The following SLC24A2 variants were observed in gnomAD, a reference collection of about 807,000 sequenced individuals.
SLC24A2 encodes the protein sodium/potassium/calcium exchanger 2.
A neutral mutation model predicts 62.0 loss-of-function variants in SLC24A2; 36 were observed. The observed-to-expected ratio is 0.58, with a 90% CI of 0.44 to 0.77. SLC24A2 has a LOEUF of 0.77. Among genes scored for constraint, SLC24A2 ranks in the 30% least tolerant of loss-of-function variants. SLC24A2 has a pLI of 0.00. For missense variants in SLC24A2, 846 were observed against 817.9 expected (o/e 1.03, Z -0.42); for synonymous variants, 358 against 294.0 (o/e 1.22, Z -2.23).
chr9:19,571,393 C>G (rs61450825), intron 7 of SLC24A2, among the ~76,000 whole-genome samples: 6,156 of 151,512 alleles, frequency 0.041, 407 homozygotes, highest in African/African-American at 0.14. Context: ...TAACAGGCAA[C>G]AATTAGCATT....
the SLC24A2 span, among the ~76,000 whole-genome samples, chr9:20,102,012 A>G: frequency 6.6e-6 from 1 of 152,206 alleles, no homozygotes; most frequent in Admixed American, 6.5e-5. Flanking sequence ...AAGGACAGAG[A>G]CAGTATCATT....
the SLC24A2 span, among the ~76,000 whole-genome samples, chr9:20,106,651 C>G: frequency 6.6e-6 from 1 of 152,100 alleles, no homozygotes; most frequent in Admixed American, 6.6e-5. Context: ...TTCAACAACC[C>G]TTCATGCTAA....
At chr9:20,226,074 T>C in the SLC24A2 span, among the ~76,000 whole-genome samples, 7 of 152,142 alleles carry the variant, frequency 4.6e-5, no homozygotes, top group Non-Finnish European at 1.0e-4. Flanking sequence ...TAAGGATGAA[T>C]CAGAATCAAC....
intron 2 of SLC24A2, among the ~76,000 whole-genome samples, chr9:19,689,672 G>T (rs981385193): frequency 1.1e-4 from 16 of 152,018 alleles, no homozygotes; most frequent in African/African-American, 3.1e-4. Context: ...AATGTGTAAG[G>T]CCCTCACCTG....
intron 8 of SLC24A2, among the ~76,000 whole-genome samples, chr9:19,542,840 G>C (rs925173593): frequency 6.6e-6 from 1 of 152,206 alleles, no homozygotes; most frequent in African/African-American, 2.4e-5. Context: ...TGGTTTGCCA[G>C]TATTTTATTG....
rs1355800692 is a variant in SLC24A2, at chr9:19,508,132, G to C, written c.*8021C>G. The C allele has an allele frequency of 6.6e-6, 1 of 152,206 alleles. No individual in the cohort carries two copies. 9.4% of individuals were successfully genotyped at this position (152,206 alleles called of 1,614,324 possible). A position where few individuals can be genotyped will look rare whatever the true frequency, so the allele number is the denominator to read the frequency against. ...TTTTAAGTATGTGGATTGCTTGATG[G>C]TGGAAGCTGTTGCTTCCGGAGTTTT... On this transcript the variant is annotated 3_prime_UTR_variant, in exon 11 of 11. Transcript: ENST00000341998.
the SLC24A2 span, among the ~76,000 whole-genome samples, chr9:20,021,071 T>C: frequency 6.6e-6 from 1 of 152,192 alleles, no homozygotes; most frequent in East Asian, 1.9e-4. Flanking sequence ...TGTATATTCA[T>C]ATAAATTATA....
chr9:19,782,198 A>G (rs1823037482), intron 2 of SLC24A2, among the ~76,000 whole-genome samples: 1 of 152,188 alleles, frequency 6.6e-6, no homozygotes, highest in Non-Finnish European at 1.5e-5. Flanking sequence ...TAGCACCATA[A>G]CAGATCAACG....
intron 8 of SLC24A2, among the ~76,000 whole-genome samples, chr9:19,533,283 ATTAG>A (rs1833792857): frequency 6.6e-6 from 1 of 152,194 alleles, no homozygotes. Context: ...GCAAATATGT[ATTAG>A]TTAATTTTTC....
intron 2 of SLC24A2, among the ~76,000 whole-genome samples, chr9:19,740,998 T>A (rs1162774558): frequency 1.3e-5 from 2 of 152,124 alleles, no homozygotes; most frequent in Admixed American, 1.3e-4. Flanking sequence ...AAGGTAAACA[T>A]ACACTGTGGA....
the SLC24A2 span, among the ~76,000 whole-genome samples, chr9:19,979,118 T>C: frequency 2.6e-5 from 4 of 152,194 alleles, no homozygotes; most frequent in African/African-American, 7.2e-5. Context: ...AAGACATCTC[T>C]TTCTGGCAGC....
chr9:20,061,968 G>A, the SLC24A2 span, among the ~76,000 whole-genome samples: 3 of 152,178 alleles, frequency 2.0e-5, no homozygotes, highest in Non-Finnish European at 2.9e-5. Context: ...GAGCATGCTG[G>A]CTCACACCTG....
the SLC24A2 span, among the ~76,000 whole-genome samples, chr9:19,857,948 A>G: frequency 6.6e-6 from 1 of 152,212 alleles, no homozygotes; most frequent in African/African-American, 2.4e-5. Flanking sequence ...TGCATATTCA[A>G]TGCTATTCCT....
chr9:19,836,140 G>A, the SLC24A2 span, among the ~76,000 whole-genome samples: 1 of 152,040 alleles, frequency 6.6e-6, no homozygotes, highest in Non-Finnish European at 1.5e-5. Context: ...ATCTAAAATT[G>A]ACACCCTAAC....
the SLC24A2 span, among the ~76,000 whole-genome samples, chr9:19,919,863 T>C: frequency 2.0e-5 from 3 of 152,064 alleles, no homozygotes; most frequent in Non-Finnish European, 4.4e-5. Context: ...ATGATTCAAT[T>C]ACCTCCCACC....
the SLC24A2 span, among the ~76,000 whole-genome samples, chr9:20,203,684 G>GA: frequency 0.062 from 8,603 of 137,920 alleles, 747 homozygotes; most frequent in African/African-American, 0.2. Context: ...TCTCTTAAAA[G>GA]AAAAAAAAAA....
chr9:19,872,884 C>A, the SLC24A2 span, among the ~76,000 whole-genome samples: 1 of 151,976 alleles, frequency 6.6e-6, no homozygotes, highest in Admixed American at 6.6e-5. Flanking sequence ...TTCCAGAGCC[C>A]CGGTAATAAA....
chr9:19,693,103 T>A (rs554312031), intron 2 of SLC24A2, among the ~76,000 whole-genome samples: 2 of 152,096 alleles, frequency 1.3e-5, no homozygotes, highest in African/African-American at 2.4e-5. Flanking sequence ...CTTATTTATT[T>A]TTATTATTAT....
chr9:19,870,362 T>C, the SLC24A2 span, among the ~76,000 whole-genome samples: 1 of 152,226 alleles, frequency 6.6e-6, no homozygotes, highest in Non-Finnish European at 1.5e-5. Context: ...TTCCATTCTT[T>C]TGATGGCTGA....
Sources: allele counts gnomAD v4.1 joint callset (sites outside exome capture counted in the v4.1 genomes callset), GRCh38; gene constraint gnomAD v4.1.1; transcripts MANE v1.5; gene names NCBI Gene and HGNC (gene_info 2026-07-23, HGNC 2026-07-21).